The following CBLN2 variants were observed in gnomAD, a reference collection of about 807,000 sequenced individuals.
CBLN2 encodes the protein cerebellin-2.
Under a neutral mutation model 15.0 loss-of-function variants are expected in CBLN2, and 7 were observed. That is an observed-to-expected ratio of 0.47 (90% CI 0.27 to 0.88). The LOEUF (loss-of-function observed/expected upper bound fraction) is 0.88, where lower values mean the gene tolerates loss of function less well. CBLN2 is among the 40% of genes least tolerant of loss of function. The pLI, the probability that CBLN2 is intolerant of heterozygous loss-of-function variation, is 0.14. For missense variants in CBLN2, 242 were observed against 304.5 expected (o/e 0.79, Z 1.53); for synonymous variants, 149 against 135.2 (o/e 1.10, Z -0.71).
intron 1 of CBLN2, among the ~76,000 whole-genome samples, chr18:72,599,052 T>C (rs1310845983): frequency 6.6e-6 from 1 of 152,168 alleles, no homozygotes; most frequent in African/African-American, 2.4e-5. Flanking sequence ...CTTGTGAAGG[T>C]GTTTTTCCCT....
At position 72,543,660 on chromosome 18, in the gene CBLN2, C is replaced by G; in HGVS notation, c.-211-130G>C. 2.7e-6 allele frequency: 1 copy of G among 373,604 alleles called. No homozygotes were observed. Among genetic ancestry groups the G allele is most frequent in the Non-Finnish European group, 4.8e-6 (1 of 210,202 alleles). The allele number at this position is 373,604 out of a possible 1,614,324, so 23.1% of individuals were successfully genotyped here. ...TTTCCCGCGCCAGCCTGCGCCGCTT[C>G]AGGGGTGCACCACGCCCCGCGCGCC... On this transcript the variant is annotated intron_variant, in intron 1 of 4. Coordinates refer to ENST00000269503, the MANE Select transcript of CBLN2 (RefSeq NM_182511.4). This position sits in a 1 kb window ranked among gnomAD's most constrained non-coding sequence, Gnocchi z 6.8.
intron 1 of CBLN2, among the ~76,000 whole-genome samples, chr18:72,561,174 A>G (rs544103797): frequency 4.0e-5 from 6 of 150,332 alleles, no homozygotes; most frequent in Non-Finnish European, 8.9e-5. Context: ...ATTAGCATTT[A>G]TTTTCATTAA....
chr18:72,581,371 T>A (rs2069403142), intron 1 of CBLN2, among the ~76,000 whole-genome samples: 1 of 152,242 alleles, frequency 6.6e-6, no homozygotes, highest in South Asian at 2.1e-4. Context: ...AATTTTATGA[T>A]TTCTCCTTGT....
At chr18:72,614,607 C>T (rs2069644972) in intron 1 of CBLN2, among the ~76,000 whole-genome samples, 1 of 151,990 alleles carries the variant, frequency 6.6e-6, no homozygotes, top group African/African-American at 2.4e-5. Context: ...TATACTATAC[C>T]AACATTCATC....
chr18:72,605,483 C>CTTTAA (rs2069577429), intron 1 of CBLN2, among the ~76,000 whole-genome samples: 1 of 152,174 alleles, frequency 6.6e-6, no homozygotes. Flanking sequence ...TAATTTGAAA[C>CTTTAA]ATAAAGTAAC....
chr18:72,610,565 C>A (rs943299736), intron 1 of CBLN2, among the ~76,000 whole-genome samples: 3 of 152,104 alleles, frequency 2.0e-5, no homozygotes, highest in African/African-American at 7.2e-5. Flanking sequence ...TATATCCTGT[C>A]TACTGCTGTA....
At chr18:72,593,263 T>C (rs970684119) in intron 1 of CBLN2, among the ~76,000 whole-genome samples, 1 of 152,142 alleles carries the variant, frequency 6.6e-6, no homozygotes, top group Non-Finnish European at 1.5e-5. Flanking sequence ...TATATTTATT[T>C]GTAGCTATTA....
chr18:72,607,077 T>C (rs575712707), intron 1 of CBLN2, among the ~76,000 whole-genome samples: 2 of 152,292 alleles, frequency 1.3e-5, no homozygotes, highest in East Asian at 3.9e-4. Flanking sequence ...ATTGGTGTCC[T>C]CAATAAATAA....
At chr18:72,595,119 T>C (rs2069504765) in intron 1 of CBLN2, among the ~76,000 whole-genome samples, 1 of 152,006 alleles carries the variant, frequency 6.6e-6, no homozygotes, top group Non-Finnish European at 1.5e-5. Context: ...AGATGCATAA[T>C]TAGGTTATTT....
chr18:72,550,031 C>T (rs1340241372), intron 1 of CBLN2, among the ~76,000 whole-genome samples: 1 of 152,162 alleles, frequency 6.6e-6, no homozygotes, highest in African/African-American at 2.4e-5. Context: ...AAAGCCTATA[C>T]ACATATACAA....
chr18:72,630,547 C>CACACA (rs1167450051), intron 1 of CBLN2, among the ~76,000 whole-genome samples: 20 of 106,852 alleles, frequency 1.9e-4, no homozygotes, highest in African/African-American at 8.5e-4. Flanking sequence ...ACCCTCCCCC[C>CACACA]CACACACACA....
chr18:72,555,864 A>G (rs1199421163), intron 1 of CBLN2, among the ~76,000 whole-genome samples: 2 of 152,188 alleles, frequency 1.3e-5, no homozygotes, highest in Non-Finnish European at 2.9e-5. Flanking sequence ...CCCTCTGAGC[A>G]CAAGGTATTT....
intron 1 of CBLN2, among the ~76,000 whole-genome samples, chr18:72,592,969 A>G (rs2069489734): frequency 6.6e-6 from 1 of 151,972 alleles, no homozygotes. Context: ...TTTGTCTATT[A>G]TGGGTCTTTT....
Position 72,590,550 on chromosome 18 carries a change from G to A in CBLN2, c.15+47775C>T, listed in dbSNP as rs549801431. 2.6e-5 allele frequency among the ~76,000 whole-genome samples: 4 copies of A among 152,028 alleles called. No homozygotes were observed. The South Asian group carries it at 8.3e-4, about 32-fold the overall frequency. ...TTAGAATTTATTGTGATAATGACTG[G>A]GTTTTTCTTAAAAACAACAACAACA... is the stretch of plus-strand genomic sequence containing the variant. On this transcript the variant is annotated intron_variant, in intron 1 of 2. Coordinates refer to the CBLN2 transcript ENST00000581073.
chr18:72,568,332 T>A (rs189449151), intron 1 of CBLN2, among the ~76,000 whole-genome samples: 1 of 152,198 alleles, frequency 6.6e-6, no homozygotes, highest in South Asian at 2.1e-4. Flanking sequence ...TAAGGTTACA[T>A]CCATCGATGT....
At chr18:72,546,356 G>T (rs1242784432), upstream of CBLN2, among the ~76,000 whole-genome samples, 1 of 151,922 alleles carries the variant, frequency 6.6e-6, no homozygotes, top group African/African-American at 2.4e-5. Context: ...AGAATGGTGT[G>T]AACCTGGGAG....
At chr18:72,589,278 C>T (rs950977570) in intron 1 of CBLN2, among the ~76,000 whole-genome samples, 2 of 152,098 alleles carry the variant, frequency 1.3e-5, no homozygotes, top group Non-Finnish European at 2.9e-5. Flanking sequence ...AGAAGTAGTA[C>T]CCAGGTTCCT....
intron 1 of CBLN2, among the ~76,000 whole-genome samples, chr18:72,625,810 C>A (rs60359843): frequency 0.027 from 1,788 of 67,152 alleles, 21 homozygotes; most frequent in South Asian, 0.059. Context: ...CTCTCTCTCT[C>A]TCTCTCTCTA....
At chr18:72,539,769 C>G (rs2069095079) in intron 3 of CBLN2, 1 of 152,190 alleles carries the variant, frequency 6.6e-6, no homozygotes, top group South Asian at 2.1e-4. Flanking sequence ...TGTCTCCATC[C>G]TCCTCATCCA....
Sources: gnomAD v4.1 joint callset for allele counts (sites outside exome capture counted in the v4.1 genomes callset) on GRCh38, gnomAD v4.1.1 for gene constraint, Gnocchi (gnomAD v3.1) non-coding constraint, MANE v1.5 for transcripts, NCBI Gene and HGNC (gene_info 2026-07-23, HGNC 2026-07-21) for gene names.